SMARCAD1: variants seen among roughly 807,000 people sequenced by gnomAD.
SMARCAD1 encodes SNF2 related chromatin remodeling ATPase with DExD box 1, also known as SWI/SNF-related matrix-associated actin-dependent regulator of chromatin subfamily A containing DEAD/H box 1.
SMARCAD1 carries 25 observed loss-of-function variants against 127.1 expected under a neutral mutation model. The observed-to-expected ratio is 0.20, with a 90% CI of 0.14 to 0.27. The LOEUF (loss-of-function observed/expected upper bound fraction) is 0.27, where lower values mean the gene tolerates loss of function less well. SMARCAD1 is among the 10% of genes least tolerant of loss of function. SMARCAD1 has a pLI of 1.00. For missense variants in SMARCAD1, 807 were observed against 1,206.0 expected (o/e 0.67, Z 4.90); for synonymous variants, 400 against 396.9 (o/e 1.01, Z -0.09).
intron 9 of SMARCAD1, among the ~76,000 whole-genome samples, chr4:94,263,585 G>C (rs1169143226): frequency 6.6e-6 from 1 of 151,722 alleles, no homozygotes; most frequent in Non-Finnish European, 1.5e-5. Context: ...GCTATAAACT[G>C]TATTTTATTT....
chr4:94,250,916 G>T (rs1749184326), intron 8 of SMARCAD1, 83 bp downstream of exon 8: 1 of 1,074,698 alleles, frequency 9.3e-7, no homozygotes. Context: ...TATAAGAAAA[G>T]CTATTAGCTG....
In SMARCAD1 at chr4:94,232,158, C is replaced by T. The variant is rs930515156; in HGVS notation, c.369-1796C>T. Among the ~76,000 whole-genome samples, 4 of 152,124 alleles carry T rather than the reference C, an allele frequency of 2.6e-5. No homozygotes were observed. In the East Asian group the frequency reaches 5.8e-4, roughly 22 times the overall value. ...GATTACAGGTGTGAGCCACTGCACCCGGCTGGTTTTTCTTTTTCTTCATGA... is the reference window on the plus strand; with the variant it reads ...GATTACAGGTGTGAGCCACTGCACCTGGCTGGTTTTTCTTTTTCTTCATGA... On this transcript the variant is annotated intron_variant, in intron 3 of 23. Transcript: ENST00000354268.
chr4:94,278,370 G>A, intron 16 of SMARCAD1, 52 bp from the exon 17 acceptor site: 1 of 1,417,230 alleles, frequency 7.1e-7, no homozygotes, highest in Non-Finnish European at 1.0e-6. Flanking sequence ...TACTGTTATT[G>A]CAATAATTTA....
At position 94,277,284 on chromosome 4, in the gene SMARCAD1, A is replaced by G; in HGVS notation, c.2082+125A>G. 4.6e-6 allele frequency: 5 copies of G among 1,093,314 alleles called. No homozygotes were observed. The South Asian group carries it at 6.6e-5, about 14-fold the overall frequency. The allele number at this position is 1,093,314 out of a possible 1,614,324, so 67.7% of individuals were successfully genotyped here. ...TCTATGAAGTAACTTTAAGTAGGTG[A>G]TAACTCTATATTTGGATTGGTTTGG... On this transcript the variant is annotated intron_variant, in intron 16 of 23. Transcript: ENST00000354268.
At chr4:94,285,680 A>G (rs937747519) in intron 23 of SMARCAD1, among the ~76,000 whole-genome samples, 3 of 152,208 alleles carry the variant, frequency 2.0e-5, no homozygotes, top group Non-Finnish European at 4.4e-5. Context: ...GCGAGAGAGA[A>G]GTGCGTATGA....
At position 94,252,842 on chromosome 4, in the gene SMARCAD1, G is replaced by C. The variant is rs756352035; in HGVS notation, c.1116G>C (p.Glu372Asp). The C allele has an allele frequency of 1.2e-6, 2 of 1,613,956 alleles. No homozygotes were observed. The highest frequency in any genetic ancestry group is 1.7e-6 in the Non-Finnish European group (2 of 1,179,982). ...CTGATGTCGGTAGTTCACTAGATGA[G>C]GACTATAGTAGTGGTGAAGAAGTGA... ...SGSDVGSSLD[E>D]DYSSGEEVME... is the part of the protein sequence containing the mutation. The change falls in exon 9 of 24, where the codon GAG becomes GAC. Residue 372 changes from glutamate to aspartate, a missense_variant. Physicochemically the swap from Glu to Asp is conservative, Grantham distance 45 (BLOSUM62 2). Coordinates refer to ENST00000354268, the MANE Select transcript of SMARCAD1 (RefSeq NM_020159.5).
intron 18 of SMARCAD1, 68 bp from the exon 19 acceptor site, chr4:94,278,861 C>T (rs1378455697): frequency 1.2e-6 from 2 of 1,605,226 alleles, no homozygotes; most frequent in Admixed American, 1.7e-5. Flanking sequence ...AATTTTAAAA[C>T]TTAGTTGATA....
chr4:94,282,270 G>A (rs906894688), intron 21 of SMARCAD1, among the ~76,000 whole-genome samples: 1 of 141,160 alleles, frequency 7.1e-6, no homozygotes, highest in Non-Finnish European at 1.5e-5. Context: ...CTAATTTTTT[G>A]TATTTTTAGT....
At chr4:94,226,395 T>C in intron 3 of SMARCAD1, 99 bp downstream of exon 3, 1 of 726,822 alleles carries the variant, frequency 1.4e-6, no homozygotes, top group Non-Finnish European at 2.0e-6. Flanking sequence ...TCCCTTTTTT[T>C]TTTTTTCTTT....
Position 94,208,389 on chromosome 4 carries a change from A to C in SMARCAD1, c.-6A>C, listed in dbSNP as rs41275676. On this transcript the variant is annotated 5_prime_UTR_variant, in exon 2 of 24. Transcript: ENST00000354268. ...CCATCCCTGCAAGGTGGTGCTTTCT[A>C]CCAATATGAATCTTTTCAACCTGGA... The C allele has an allele frequency of 6.2e-7, 1 of 1,613,576 alleles. No homozygotes were observed. The highest frequency in any genetic ancestry group is 2.2e-5 in the East Asian group (1 of 44,886).
chr4:94,261,140 T>TG (rs1364040876), intron 9 of SMARCAD1, among the ~76,000 whole-genome samples: 18 of 150,792 alleles, frequency 1.2e-4, no homozygotes, highest in African/African-American at 4.4e-4. Context: ...CTTTTTTAAG[T>TG]GAAAAAAAAA....
chr4:94,226,309 A>G lies in SMARCAD1; in HGVS notation c.368+13A>G. 1.1e-5 allele frequency: 17 copies of G among 1,600,766 alleles called. No individual in the cohort carries two copies. Among genetic ancestry groups the G allele is most frequent in the Non-Finnish European group, 1.5e-5 (17 of 1,168,378 alleles). On this transcript the variant is annotated intron_variant, in intron 3 of 23. Transcript: ENST00000354268. ...CAGTGATTATAGTGTAAGCTGATTA[A>G]TAGATATATTGTATTTGCATGTGTG... is the stretch of plus-strand genomic sequence containing the variant.
In SMARCAD1 at chr4:94,290,432, C is replaced by T. The variant is rs1489585046; in HGVS notation, c.*898C>T. 6.6e-6 allele frequency: 3 copies of T among 454,506 alleles called. No individual in the cohort carries two copies. Among genetic ancestry groups the T allele is most frequent in the African/African-American group, 4.0e-5 (2 of 50,118 alleles). 28.2% of individuals were successfully genotyped at this position (454,506 alleles called of 1,614,324 possible). A position where few individuals can be genotyped will look rare whatever the true frequency, so the allele number is the denominator to read the frequency against. ...TGTTGGTGACATTTTTCTAGCCTGG[C>T]AGAACAGATTACTTAAAGCTATTTC... On this transcript the variant is annotated 3_prime_UTR_variant, in exon 24 of 24. Transcript: ENST00000354268.
chr4:94,282,351 C>T (rs745441487), intron 21 of SMARCAD1, among the ~76,000 whole-genome samples: 4 of 151,528 alleles, frequency 2.6e-5, no homozygotes, highest in Non-Finnish European at 5.9e-5. Context: ...CCGCCTCGGC[C>T]TCCCAAAGTG....
At chr4:94,216,526 T>G (rs1481170815) in intron 2 of SMARCAD1, among the ~76,000 whole-genome samples, 3 of 152,190 alleles carry the variant, frequency 2.0e-5, no homozygotes, top group Non-Finnish European at 1.5e-5. Flanking sequence ...TACATTCAGT[T>G]CAATACATAT....
At chr4:94,274,660 T>TCAC in intron 12 of SMARCAD1, 78 bp from the exon 13 acceptor site, 3 of 1,344,876 alleles carry the variant, frequency 2.2e-6, no homozygotes, top group Non-Finnish European at 3.2e-6. Flanking sequence ...GTAGCACTTG[T>TCAC]CAAAGTTTAG....
chr4:94,231,575 C>T (rs369896117), intron 3 of SMARCAD1, among the ~76,000 whole-genome samples: 1 of 152,058 alleles, frequency 6.6e-6, no homozygotes, highest in Non-Finnish European at 1.5e-5. Context: ...ATTGTGTCAC[C>T]TATTATTATT....
intron 2 of SMARCAD1, among the ~76,000 whole-genome samples, chr4:94,215,236 A>G (rs373402914): frequency 6.6e-6 from 1 of 152,220 alleles, no homozygotes; most frequent in Non-Finnish European, 1.5e-5. Context: ...GAAAAGCAAT[A>G]CTTAGTTAAA....
At position 94,208,386 on chromosome 4, in the gene SMARCAD1, T is replaced by C; in HGVS notation, c.-9T>C. The stretch of plus-strand genomic sequence containing the variant: ...CCCCCATCCCTGCAAGGTGGTGCTT[T>C]CTACCAATATGAATCTTTTCAACCT... On this transcript the variant is annotated 5_prime_UTR_variant, in exon 2 of 24. Coordinates refer to ENST00000354268, the MANE Select transcript of SMARCAD1 (RefSeq NM_020159.5). 6.2e-7 allele frequency: 1 copy of C among 1,614,014 alleles called. No homozygotes were observed. The highest frequency in any genetic ancestry group is 8.5e-7 in the Non-Finnish European group (1 of 1,180,018).
Sources: gnomAD v4.1 joint callset for allele counts (sites outside exome capture counted in the v4.1 genomes callset) on GRCh38, gnomAD v4.1.1 for gene constraint, MANE v1.5 for transcripts, NCBI Gene and HGNC (gene_info 2026-07-23, HGNC 2026-07-21) for gene names.